CFAP95: variants seen among roughly 807,000 people sequenced by gnomAD.
CFAP95 encodes cilia- and flagella-associated protein 95.
At chr9:69,897,255 G>C in the CFAP95 span, among the ~76,000 whole-genome samples, 1 of 152,096 alleles carries the variant, frequency 6.6e-6, no homozygotes, top group Non-Finnish European at 1.5e-5. Flanking sequence ...AAAGTAAATG[G>C]AACACTCAAA....
the CFAP95 span, among the ~76,000 whole-genome samples, chr9:69,902,693 A>G: frequency 6.8e-6 from 1 of 147,482 alleles, no homozygotes. Flanking sequence ...TTTTTTTTCT[A>G]TTCTATTTCA....
At chr9:69,832,620 A>ATTTT in the CFAP95 span, among the ~76,000 whole-genome samples, 429 of 11,360 alleles carry the variant, frequency 0.038, 62 homozygotes, top group Admixed American at 0.065. Context: ...GTCTATTCGG[A>ATTTT]TTTTTTTTTT....
chr9:69,849,971 T>C, the CFAP95 span, among the ~76,000 whole-genome samples: 21 of 152,196 alleles, frequency 1.4e-4, no homozygotes, highest in African/African-American at 5.1e-4. Flanking sequence ...ATCAAGAGTA[T>C]GTCTATCATC....
chr9:69,866,133 CA>C, the CFAP95 span, among the ~76,000 whole-genome samples: 2 of 152,284 alleles, frequency 1.3e-5, no homozygotes, highest in South Asian at 4.1e-4. Flanking sequence ...GTTTCCTGAA[CA>C]TCACTTGTCT....
chr9:69,847,842 A>T, the CFAP95 span, among the ~76,000 whole-genome samples: 3 of 152,174 alleles, frequency 2.0e-5, no homozygotes, highest in African/African-American at 4.8e-5. Context: ...AGCTAATATG[A>T]GCATCATTTA....
At chr9:69,843,158 C>A in the CFAP95 span, among the ~76,000 whole-genome samples, 1 of 152,110 alleles carries the variant, frequency 6.6e-6, no homozygotes, top group Non-Finnish European at 1.5e-5. Flanking sequence ...AGACTCACTT[C>A]CCACTGCATC....
chr9:69,856,107 A>G, the CFAP95 span, among the ~76,000 whole-genome samples: 20 of 152,206 alleles, frequency 1.3e-4, no homozygotes, highest in Admixed American at 9.2e-4. Flanking sequence ...ATTTTTCCAC[A>G]TCGCAATAAT....
At chr9:69,862,993 T>C in the CFAP95 span, among the ~76,000 whole-genome samples, 2 of 152,232 alleles carry the variant, frequency 1.3e-5, no homozygotes, top group Non-Finnish European at 2.9e-5. Flanking sequence ...TCCTTCCATG[T>C]GCATCACAGA....
At chr9:69,877,488 C>T in the CFAP95 span, among the ~76,000 whole-genome samples, 3 of 152,198 alleles carry the variant, frequency 2.0e-5, no homozygotes, top group African/African-American at 7.2e-5. Context: ...GTATTTTCCC[C>T]ATAAATGACT....
the CFAP95 span, among the ~76,000 whole-genome samples, chr9:69,902,857 T>A: frequency 6.6e-6 from 1 of 152,200 alleles, no homozygotes; most frequent in Non-Finnish European, 1.5e-5. Context: ...TTGTATGCTT[T>A]GTCACAAATT....
At chr9:69,879,667 C>T in the CFAP95 span, among the ~76,000 whole-genome samples, 2 of 152,162 alleles carry the variant, frequency 1.3e-5, no homozygotes, top group Non-Finnish European at 2.9e-5. Flanking sequence ...TATCAGCTGG[C>T]TGAAACTGTT....
chr9:69,844,525 A>G, the CFAP95 span: 23 of 1,596,974 alleles, frequency 1.4e-5, no homozygotes, highest in Non-Finnish European at 1.8e-5. Flanking sequence ...AGGCACCGTG[A>G]CAGAGAAGCT....
chr9:69,882,828 C>T, the CFAP95 span, among the ~76,000 whole-genome samples: 7 of 151,994 alleles, frequency 4.6e-5, no homozygotes, highest in Admixed American at 6.6e-5. Context: ...ATTTTTTTAA[C>T]GTGTTGTTGA....
the CFAP95 span, among the ~76,000 whole-genome samples, chr9:69,822,063 CT>C: frequency 5.9e-5 from 9 of 152,260 alleles, no homozygotes; most frequent in Admixed American, 2.6e-4. Flanking sequence ...TGATGTATAA[CT>C]GGAAGAAAAG....
At chr9:69,855,712 T>A in the CFAP95 span, among the ~76,000 whole-genome samples, 2 of 152,266 alleles carry the variant, frequency 1.3e-5, no homozygotes, top group Non-Finnish European at 2.9e-5. Flanking sequence ...GCTAGACTCC[T>A]GGTTATAGAA....
At chr9:69,821,251 G>C in the CFAP95 span, among the ~76,000 whole-genome samples, 2 of 151,604 alleles carry the variant, frequency 1.3e-5, no homozygotes, top group African/African-American at 2.4e-5. Context: ...ATGGGAAGGA[G>C]GAAAAGAGAG....
At chr9:69,865,934 T>A in the CFAP95 span, among the ~76,000 whole-genome samples, 1 of 152,308 alleles carries the variant, frequency 6.6e-6, no homozygotes, top group East Asian at 1.9e-4. Context: ...GGTTTCATCA[T>A]TATCTGAATT....
At chr9:69,885,647 A>G in the CFAP95 span, among the ~76,000 whole-genome samples, 1 of 152,100 alleles carries the variant, frequency 6.6e-6, no homozygotes, top group Non-Finnish European at 1.5e-5. Context: ...GTGTGGATGT[A>G]TTTCATCCAG....
chr9:69,853,946 C>T, the CFAP95 span, among the ~76,000 whole-genome samples: 1 of 152,152 alleles, frequency 6.6e-6, no homozygotes, highest in Non-Finnish European at 1.5e-5. Context: ...AAGTTCTTTC[C>T]AAGGAAACAA....
Sources: allele counts gnomAD v4.1 joint callset (sites outside exome capture counted in the v4.1 genomes callset), GRCh38; gene constraint gnomAD v4.1.1; transcripts MANE v1.5; gene names NCBI Gene and HGNC (gene_info 2026-07-23, HGNC 2026-07-21).